Variants in NALF1 observed in about 807,000 individuals in gnomAD.
The protein encoded by NALF1 is family with sequence similarity 155 member A.
A neutral mutation model predicts 48.4 loss-of-function variants in NALF1; 3 were observed. That is an observed-to-expected ratio of 0.06 (90% CI 0.03 to 0.16). The LOEUF is 0.16. Among genes scored for constraint, NALF1 ranks in the 10% least tolerant of loss-of-function variants. The pLI is 1.00. For missense variants in NALF1, 526 were observed against 571.5 expected (o/e 0.92, Z 0.81); for synonymous variants, 262 against 245.7 (o/e 1.07, Z -0.62).
intron 1 of NALF1, among the ~76,000 whole-genome samples, chr13:107,859,677 TG>T (rs1014075495): frequency 2.0e-5 from 3 of 151,666 alleles, no homozygotes; most frequent in Non-Finnish European, 2.9e-5. Flanking sequence ...CCGAGGTGGG[TG>T]GATCATTTGA....
chr13:107,306,615 A>C (rs1881941231), intron 1 of NALF1, among the ~76,000 whole-genome samples: 1 of 152,226 alleles, frequency 6.6e-6, no homozygotes, highest in African/African-American at 2.4e-5. Flanking sequence ...ACTGGTAGAA[A>C]AAAATGTTAC....
intron 1 of NALF1, among the ~76,000 whole-genome samples, chr13:107,410,789 G>A (rs1287497791): frequency 2.6e-5 from 4 of 152,022 alleles, no homozygotes; most frequent in Non-Finnish European, 5.9e-5. Flanking sequence ...TAAAAGACAA[G>A]GACAATAATG....
intron 1 of NALF1, among the ~76,000 whole-genome samples, chr13:107,647,024 T>A (rs1880331507): frequency 6.6e-6 from 1 of 152,072 alleles, no homozygotes; most frequent in South Asian, 2.1e-4. Context: ...GGGTAAAGAC[T>A]TACATACTAG....
chr13:107,389,035 G>A (rs1302213806), intron 1 of NALF1, among the ~76,000 whole-genome samples: 2 of 152,162 alleles, frequency 1.3e-5, no homozygotes, highest in African/African-American at 2.4e-5. Context: ...AATAGTCGCC[G>A]CACTGAGACA....
At position 107,605,414 on chromosome 13, in the gene NALF1, A is replaced by G. The variant is rs9559091; in HGVS notation, c.915+260268T>C. ...ACATTCTCCTTCCTTCCGGTTAACT[A>G]ATTCGGGACTTGGCTTTGCAGATTC... On this transcript the variant is annotated intron_variant, in intron 1 of 2. Transcript: ENST00000375915. Among the ~76,000 whole-genome samples the G allele has an allele frequency of 0.022, 3,374 of 152,244 alleles. 218 individuals carry two copies. In the East Asian group the frequency reaches 0.26, roughly 12 times the overall value.
intron 1 of NALF1, among the ~76,000 whole-genome samples, chr13:107,676,379 T>C (rs1481064433): frequency 2.0e-5 from 3 of 152,088 alleles, no homozygotes; most frequent in East Asian, 1.9e-4. Flanking sequence ...AGTGGAGGAA[T>C]AGTGGGAAGA....
chr13:107,242,057 T>A (rs1395037983), intron 1 of NALF1, among the ~76,000 whole-genome samples: 1 of 152,294 alleles, frequency 6.6e-6, no homozygotes, highest in Middle Eastern at 3.4e-3. Flanking sequence ...AAAAACAAGT[T>A]CTTAAGCCCT....
chr13:107,355,209 C>T (rs1449126532), intron 1 of NALF1, among the ~76,000 whole-genome samples: 11 of 152,102 alleles, frequency 7.2e-5, no homozygotes, highest in Non-Finnish European at 2.9e-5. Flanking sequence ...GGTCTGCAAA[C>T]CCCAACGTTA....
At chr13:107,325,887 T>TATATACACACAC (rs752320518) in intron 1 of NALF1, among the ~76,000 whole-genome samples, 16 of 58,894 alleles carry the variant, frequency 2.7e-4, no homozygotes, top group Non-Finnish European at 4.6e-4. Flanking sequence ...TATATATATA[T>TATATACACACAC]ACACACACAC....
intron 1 of NALF1, among the ~76,000 whole-genome samples, chr13:107,594,536 A>G (rs771603263): frequency 6.6e-6 from 1 of 152,012 alleles, no homozygotes; most frequent in African/African-American, 2.4e-5. Flanking sequence ...TCAGTGTGGC[A>G]TATTATCAAG....
intron 1 of NALF1, among the ~76,000 whole-genome samples, chr13:107,407,466 T>C (rs1594046019): frequency 6.6e-6 from 1 of 152,196 alleles, no homozygotes; most frequent in South Asian, 2.1e-4. Flanking sequence ...TAGACATTAC[T>C]CAAAAGAAGA....
intron 1 of NALF1, among the ~76,000 whole-genome samples, chr13:107,347,208 T>TTTC (rs1331000102): frequency 1.3e-5 from 2 of 152,200 alleles, no homozygotes; most frequent in Non-Finnish European, 2.9e-5. Context: ...CCAAAGATCC[T>TTTC]CAAGTTGATG....
chr13:107,264,434 G>C (rs1157030665), intron 1 of NALF1, among the ~76,000 whole-genome samples: 2 of 152,124 alleles, frequency 1.3e-5, no homozygotes, highest in Non-Finnish European at 2.9e-5. Context: ...TACTGCTATT[G>C]TGTAAACTTT....
At chr13:107,676,705 C>A (rs1346308758) in intron 1 of NALF1, among the ~76,000 whole-genome samples, 1 of 151,754 alleles carries the variant, frequency 6.6e-6, no homozygotes, top group East Asian at 1.9e-4. Context: ...AGATATTTAT[C>A]TTTGAAATAT....
At chr13:107,231,150 G>A (rs547372027) in intron 1 of NALF1, among the ~76,000 whole-genome samples, 5 of 151,050 alleles carry the variant, frequency 3.3e-5, no homozygotes, top group African/African-American at 9.7e-5. Flanking sequence ...ATTTACCAAA[G>A]GAAAGTAAGT....
chr13:107,489,774 A>C (rs1885386502), intron 1 of NALF1, among the ~76,000 whole-genome samples: 1 of 152,222 alleles, frequency 6.6e-6, no homozygotes, highest in Non-Finnish European at 1.5e-5. Flanking sequence ...TCTGCATAGC[A>C]AAAGAAACTA....
intron 1 of NALF1, among the ~76,000 whole-genome samples, chr13:107,314,620 A>T (rs1051956336): frequency 6.6e-6 from 1 of 152,136 alleles, no homozygotes; most frequent in African/African-American, 2.4e-5. Context: ...CAGTATTAAC[A>T]TAATTTTCTC....
intron 1 of NALF1, among the ~76,000 whole-genome samples, chr13:107,709,643 G>A (rs1399323911): frequency 1.3e-5 from 2 of 152,202 alleles, no homozygotes; most frequent in Non-Finnish European, 2.9e-5. Context: ...AGTATCTTGT[G>A]TAATTGATTT....
chr13:107,740,355 T>C (rs1347293233), intron 1 of NALF1, among the ~76,000 whole-genome samples: 1 of 152,194 alleles, frequency 6.6e-6, no homozygotes, highest in East Asian at 1.9e-4. Context: ...TCAGAAGAGA[T>C]ACAGTCTGTG....
Sources: gnomAD v4.1 joint callset for allele counts (sites outside exome capture counted in the v4.1 genomes callset) on GRCh38, gnomAD v4.1.1 for gene constraint, MANE v1.5 for transcripts, NCBI Gene and HGNC (gene_info 2026-07-23, HGNC 2026-07-21) for gene names.